The following RAB11FIP3 variants were observed in gnomAD, a reference collection of about 807,000 sequenced individuals.
The protein encoded by RAB11FIP3 is RAB11 family interacting protein 3, also known as rab11 family-interacting protein 3.
RAB11FIP3 carries 17 observed loss-of-function variants against 77.8 expected under a neutral mutation model. The ratio of observed to expected loss-of-function variants is 0.22; its 90% CI spans 0.15 to 0.33. The LOEUF (loss-of-function observed/expected upper bound fraction) is 0.33, where lower values mean the gene tolerates loss of function less well. RAB11FIP3 is among the 10% of genes least tolerant of loss of function. The probability of loss-of-function intolerance (pLI) is 1.00; values close to 1 mark genes in which losing one functional copy is unlikely to be tolerated. For synonymous variants in RAB11FIP3, 437 were observed against 448.2 expected, an observed-to-expected ratio of 0.98 and a Z score of 0.31; for missense variants, 1,005 against 1,011.2, an observed-to-expected ratio of 0.99 and a Z score of 0.08.
rs149690219 is a variant in RAB11FIP3 at position 465,094 on chromosome 16, G to C, written c.808+3597G>C. On this transcript the variant is annotated intron_variant, in intron 2 of 13. Transcript: ENST00000262305. ...ATGGAGGTGCGAGCTGGAGACTCAC[G>C]TTAGCTTGGTCTCAGTCGCAGGGAG... Among the ~76,000 whole-genome samples the C allele has an allele frequency of 4.2e-4, 64 of 152,124 alleles. 1 individual carries two copies. Among genetic ancestry groups the C allele is most frequent in the African/African-American group, 1.2e-3 (51 of 41,422 alleles).
rs987744745 is a variant in RAB11FIP3, at chr16:471,642, G to T, written c.903+253G>T. 3.3e-5 allele frequency among the ~76,000 whole-genome samples: 5 copies of T among 152,236 alleles called. No individual in the cohort carries two copies. The highest frequency in any genetic ancestry group is 1.2e-4 in the African/African-American group (5 of 41,460). The stretch of plus-strand genomic sequence containing the variant: ...GTCGCCAGCAGAAGTGGGGTGGGCA[G>T]TGATGTCATGACCACCCGCTGCCAG... On this transcript the variant is annotated intron_variant, in intron 3 of 13. Transcript: ENST00000262305. The surrounding 1 kb of genome is among the most constrained non-coding windows in gnomAD (Gnocchi z 4.4).
In RAB11FIP3 at chr16:471,289, C is replaced by G; in HGVS notation, c.809-6C>G. 1 of 1,612,636 alleles carries G rather than the reference C, an allele frequency of 6.2e-7. No individual in the cohort carries two copies. Among genetic ancestry groups the G allele is most frequent in the Middle Eastern group, 1.7e-4 (1 of 5,944 alleles). On this transcript the variant is annotated splice_polypyrimidine_tract_variant and splice_region_variant and intron_variant, in intron 2 of 13. Coordinates refer to ENST00000262305, the MANE Select transcript of RAB11FIP3 (RefSeq NM_014700.4). This position sits in a 1 kb window ranked among gnomAD's most constrained non-coding sequence, Gnocchi z 4.4. ...GCCTGTTGAGCACGAGGTCTTCTCCCTGCAGATCCTGATGGCCAGTGCTAC... is the reference window on the plus strand; with the variant it reads ...GCCTGTTGAGCACGAGGTCTTCTCCGTGCAGATCCTGATGGCCAGTGCTAC...
chr16:489,173 G>A, intron 5 of RAB11FIP3, 173 bp downstream of exon 5: 1 of 814,518 alleles, frequency 1.2e-6, no homozygotes. Flanking sequence ...TATGAAAGTT[G>A]GGAGAAGTCC....
chr16:458,188 G>A (rs1291378494), intron 1 of RAB11FIP3, among the ~76,000 whole-genome samples: 3 of 152,248 alleles, frequency 2.0e-5, no homozygotes. Context: ...ACGGGGGCCC[G>A]GGCCTTGCTC....
intron 3 of RAB11FIP3, chr16:474,790 C>T: frequency 7.3e-7 from 1 of 1,369,892 alleles, no homozygotes; most frequent in Non-Finnish European, 9.4e-7. Flanking sequence ...TTTTTTAAAC[C>T]AGCAAGGACA....
At chr16:428,202 G>A (rs1389976713) in intron 1 of RAB11FIP3, among the ~76,000 whole-genome samples, 3 of 152,164 alleles carry the variant, frequency 2.0e-5, no homozygotes, top group Non-Finnish European at 1.5e-5. Context: ...GTGCGTGCGG[G>A]GCAGCCTGCA....
At chr16:468,269 A>AGGTGCTGGGGC (rs2055751036) in intron 2 of RAB11FIP3, among the ~76,000 whole-genome samples, 6 of 6,330 alleles carry the variant, frequency 9.5e-4, no homozygotes, top group Non-Finnish European at 1.0e-3. Context: ...GGTGCAGGGA[A>AGGTGCTGGGGC]GTCAGGGAGG....
Position 471,448 on chromosome 16 carries a change from C to T in RAB11FIP3, c.903+59C>T, listed in dbSNP as rs374345420. 28 of 1,378,058 alleles carry T rather than the reference C, an allele frequency of 2.0e-5. No homozygotes were observed. The East Asian group carries it at 6.2e-4, about 30-fold the overall frequency. 85.4% of individuals were successfully genotyped at this position (1,378,058 alleles called of 1,614,324 possible). The stretch of plus-strand genomic sequence containing the variant: ...TCTGGCATCCACCTCTTCCTTTATG[C>T]CCTACAGCTCGTGCCTCCTGCCTCC... On this transcript the variant is annotated intron_variant, in intron 3 of 13. Transcript: ENST00000262305. This position sits in a 1 kb window ranked among gnomAD's most constrained non-coding sequence, Gnocchi z 4.4.
At chr16:513,348 T>C (rs1225098019) in intron 9 of RAB11FIP3, among the ~76,000 whole-genome samples, 1 of 152,028 alleles carries the variant, frequency 6.6e-6, no homozygotes, top group Non-Finnish European at 1.5e-5. Context: ...AGCCCCTGAG[T>C]TGCTGGGGCT....
At chr16:487,687 G>C (rs1030204925) in intron 4 of RAB11FIP3, among the ~76,000 whole-genome samples, 1 of 152,126 alleles carries the variant, frequency 6.6e-6, no homozygotes, top group African/African-American at 2.4e-5. Flanking sequence ...ACTCCTGCGG[G>C]AGGGTGGGAG....
intron 6 of RAB11FIP3, 151 bp downstream of exon 6, chr16:497,010 A>G (rs73496250): frequency 0.035 from 29,960 of 852,988 alleles, 777 homozygotes; most frequent in African/African-American, 0.12. Context: ...GGTATCCTGA[A>G]GGAGTGTTGG....
rs1049871354 is a variant in RAB11FIP3, at chr16:507,057, G to A, written c.1499+1430G>A. On this transcript the variant is annotated intron_variant, in intron 8 of 13. Coordinates refer to ENST00000262305, the MANE Select transcript of RAB11FIP3 (RefSeq NM_014700.4). This position sits in a 1 kb window ranked among gnomAD's most constrained non-coding sequence, Gnocchi z 4.6. ...TCCACCTCCCAGGCTCAAGCGACCC[G>A]CCTCCCTCAGCCTTCGATGTAGCTG... 2.0e-5 allele frequency among the ~76,000 whole-genome samples: 3 copies of A among 151,104 alleles called. No homozygotes were observed. Among genetic ancestry groups the A allele is most frequent in the Admixed American group, 6.6e-5 (1 of 15,194 alleles).
At chr16:458,560 TCCTCGGGTTCACCGATGCC>T (rs1262318875) in intron 1 of RAB11FIP3, among the ~76,000 whole-genome samples, 50 of 150,182 alleles carry the variant, frequency 3.3e-4, no homozygotes, top group African/African-American at 1.1e-3. Flanking sequence ...TGGGGGGCCT[TCCTCGGGTTCACCGATGCC>T]CACAGGGCCT....
At chr16:502,647 G>T (rs901696308) in intron 6 of RAB11FIP3, 1 of 331,406 alleles carries the variant, frequency 3.0e-6, no homozygotes, top group Non-Finnish European at 5.5e-6. Flanking sequence ...AGACGAGATT[G>T]TTCGTGTCTC....
intron 4 of RAB11FIP3, among the ~76,000 whole-genome samples, chr16:485,310 T>C (rs1411899360): frequency 6.6e-6 from 1 of 152,162 alleles, no homozygotes; most frequent in Admixed American, 6.5e-5. Context: ...TTCTCACTGA[T>C]TATAGGAGTC....
chr16:471,597 G>A lies in RAB11FIP3; in HGVS notation c.903+208G>A, dbSNP rs1475950347. Among the ~76,000 whole-genome samples the A allele has an allele frequency of 1.3e-5, 2 of 152,070 alleles. No homozygotes were observed. Among genetic ancestry groups the A allele is most frequent in the Non-Finnish European group, 2.9e-5 (2 of 68,004 alleles). On this transcript the variant is annotated intron_variant, in intron 3 of 13. Transcript: ENST00000262305. This position sits in a 1 kb window ranked among gnomAD's most constrained non-coding sequence, Gnocchi z 4.4. ...CCCACACGCCCTGTCAGCCTGGGCA[G>A]GAATCCTCCCCCAGGGCCTGTCGCC...
At chr16:430,022 GTAATA>G (rs2055011696) in intron 1 of RAB11FIP3, among the ~76,000 whole-genome samples, 1 of 152,024 alleles carries the variant, frequency 6.6e-6, no homozygotes, top group Non-Finnish European at 1.5e-5. Flanking sequence ...CAGGTGTAGT[GTAATA>G]TAACACAGTG....
chr16:438,722 G>A (rs1567355993), intron 1 of RAB11FIP3, among the ~76,000 whole-genome samples: 2 of 135,330 alleles, frequency 1.5e-5, no homozygotes, highest in East Asian at 4.3e-4. Context: ...ATGGAATTTC[G>A]CTCTAACACC....
intron 1 of RAB11FIP3, among the ~76,000 whole-genome samples, chr16:454,878 C>T (rs1485064669): frequency 6.6e-6 from 1 of 151,786 alleles, no homozygotes; most frequent in Non-Finnish European, 1.5e-5. Flanking sequence ...GGCAAAACGA[C>T]GTCTCTACTA....
Sources: gnomAD v4.1 joint callset for allele counts (sites outside exome capture counted in the v4.1 genomes callset) on GRCh38, gnomAD v4.1.1 for gene constraint, Gnocchi (gnomAD v3.1) non-coding constraint, MANE v1.5 for transcripts, NCBI Gene and HGNC (gene_info 2026-07-23, HGNC 2026-07-21) for gene names.